The following PTPRD variants were observed in gnomAD, a reference collection of about 807,000 sequenced individuals.
The protein encoded by PTPRD is protein tyrosine phosphatase receptor type D.
PTPRD carries 34 observed loss-of-function variants against 214.5 expected under a neutral mutation model. That is an observed-to-expected ratio of 0.16 (90% CI 0.12 to 0.21). The LOEUF (loss-of-function observed/expected upper bound fraction) is 0.21. PTPRD is among the 10% of genes least tolerant of loss of function. The probability of loss-of-function intolerance (pLI) is 1.00; values close to 1 mark genes in which losing one functional copy is unlikely to be tolerated. For synonymous variants in PTPRD, 1,128 were observed against 845.7 expected (o/e 1.33, Z -5.79); for missense variants, 2,545 against 2,398.7 (o/e 1.06, Z -1.27).
At chr9:8,491,587 A>G (rs973257871) in intron 27 of PTPRD, among the ~76,000 whole-genome samples, 1 of 151,350 alleles carries the variant, frequency 6.6e-6, no homozygotes, top group Admixed American at 6.6e-5. Flanking sequence ...GATAGTCATC[A>G]TGCCATCATG....
intron 2 of PTPRD, among the ~76,000 whole-genome samples, chr9:10,394,466 C>G (rs1228004355): frequency 6.6e-6 from 1 of 151,596 alleles, no homozygotes; most frequent in Non-Finnish European, 1.5e-5. Flanking sequence ...GCAGTATGAT[C>G]TTAGCAAAAT....
At chr9:8,809,017 A>C (rs539584120) in intron 11 of PTPRD, among the ~76,000 whole-genome samples, 1 of 152,290 alleles carries the variant, frequency 6.6e-6, no homozygotes, top group South Asian at 2.1e-4. Context: ...GAACGGAAGG[A>C]AAGTCAGAGA....
intron 8 of PTPRD, among the ~76,000 whole-genome samples, chr9:9,549,035 C>T (rs80301176): frequency 0.016 from 2,505 of 152,156 alleles, 40 homozygotes; most frequent in Admixed American, 0.026. Flanking sequence ...TATCAAACAA[C>T]TTCAGAATAT....
At chr9:8,369,465 T>C (rs2080887473) in intron 39 of PTPRD, among the ~76,000 whole-genome samples, 1 of 151,616 alleles carries the variant, frequency 6.6e-6, no homozygotes, top group Non-Finnish European at 1.5e-5. Flanking sequence ...CATCTGATTT[T>C]TTACTGGGCC....
chr9:9,246,752 G>C (rs2099973218), intron 9 of PTPRD, among the ~76,000 whole-genome samples: 1 of 152,024 alleles, frequency 6.6e-6, no homozygotes. Context: ...TCTTGGAGCT[G>C]AGAGATTGGT....
intron 12 of PTPRD, among the ~76,000 whole-genome samples, chr9:8,651,876 T>C (rs566633144): frequency 1.3e-5 from 2 of 152,336 alleles, no homozygotes; most frequent in Non-Finnish European, 2.9e-5. Context: ...AAGGTAACAC[T>C]ACACGAATAT....
intron 7 of PTPRD, among the ~76,000 whole-genome samples, chr9:9,694,141 C>T (rs148165889): frequency 5.9e-5 from 9 of 152,042 alleles, no homozygotes; most frequent in Non-Finnish European, 1.3e-4. Context: ...GTTTTCCTGG[C>T]GTGTTGATTT....
At chr9:9,439,684 G>T (rs1172326032) in intron 8 of PTPRD, among the ~76,000 whole-genome samples, 1 of 152,080 alleles carries the variant, frequency 6.6e-6, no homozygotes, top group Non-Finnish European at 1.5e-5. Context: ...TTGGCAAAGG[G>T]CTATTTGGCA....
chr9:9,899,376 T>C (rs113166331), intron 5 of PTPRD, among the ~76,000 whole-genome samples: 2,505 of 152,202 alleles, frequency 0.016, 68 homozygotes, highest in African/African-American at 0.057. Flanking sequence ...TAATAATTTA[T>C]TTAACAATGG....
At chr9:10,397,893 C>A (rs1001799542) in intron 2 of PTPRD, among the ~76,000 whole-genome samples, 2 of 151,980 alleles carry the variant, frequency 1.3e-5, no homozygotes, top group Non-Finnish European at 2.9e-5. Context: ...TGCACAATAA[C>A]CAAATCATTT....
intron 9 of PTPRD, among the ~76,000 whole-genome samples, chr9:9,261,684 G>A (rs182866433): frequency 6.7e-6 from 1 of 150,276 alleles, no homozygotes; most frequent in East Asian, 2.0e-4. Context: ...GTTCAGGAGG[G>A]AGAGGGGTTG....
chr9:8,713,633 A>G, intron 12 of PTPRD: 1 of 1,529,976 alleles, frequency 6.5e-7, no homozygotes, highest in East Asian at 2.2e-5. Flanking sequence ...GCTGTCACCC[A>G]GTGCTACCGA....
intron 4 of PTPRD, among the ~76,000 whole-genome samples, chr9:9,970,745 C>G (rs1029315927): frequency 6.6e-6 from 1 of 152,088 alleles, no homozygotes; most frequent in Non-Finnish European, 1.5e-5. Flanking sequence ...CTAGGCTTAG[C>G]TGAATGGGAA....
chr9:10,235,123 C>T (rs188899279), intron 3 of PTPRD, among the ~76,000 whole-genome samples: 20 of 151,938 alleles, frequency 1.3e-4, no homozygotes, highest in African/African-American at 4.8e-4. Flanking sequence ...CCTTTCTACA[C>T]CCTCTATTTT....
At chr9:8,525,100 T>C (rs1408204516) in intron 17 of PTPRD, 65 bp from the exon 18 acceptor site, 1 of 1,338,922 alleles carries the variant, frequency 7.5e-7, no homozygotes. Context: ...TTCAGAAAGC[T>C]AAACCTCTTA....
At chr9:8,713,235 C>T (rs1174611455) in intron 12 of PTPRD, 2 of 615,692 alleles carry the variant, frequency 3.2e-6, no homozygotes, top group Middle Eastern at 4.3e-4. Flanking sequence ...CGCTCCTAAA[C>T]TGAGTCTCCA....
At chr9:8,525,885 A>T (rs1360826025) in intron 17 of PTPRD, among the ~76,000 whole-genome samples, 1 of 152,156 alleles carries the variant, frequency 6.6e-6, no homozygotes, top group Non-Finnish European at 1.5e-5. Context: ...ATGAAAAACC[A>T]GCAATACCAC....
chr9:10,571,333 C>T (rs2067364432), intron 2 of PTPRD, among the ~76,000 whole-genome samples: 1 of 152,068 alleles, frequency 6.6e-6, no homozygotes, highest in African/African-American at 2.4e-5. Flanking sequence ...TACATTATAC[C>T]TATCTTTAGT....
chr9:8,610,235 C>T (rs116147679), intron 14 of PTPRD, among the ~76,000 whole-genome samples: 1 of 152,120 alleles, frequency 6.6e-6, no homozygotes, highest in Non-Finnish European at 1.5e-5. Flanking sequence ...TAATACTTCA[C>T]AGGATTGCTG....
Sources: allele counts gnomAD v4.1 joint callset (sites outside exome capture counted in the v4.1 genomes callset), GRCh38; gene constraint gnomAD v4.1.1; transcripts MANE v1.5; gene names NCBI Gene and HGNC (gene_info 2026-07-23, HGNC 2026-07-21).